SUCO: variants seen among roughly 807,000 people sequenced by gnomAD.
The protein encoded by SUCO is SUN domain-containing ossification factor.
SUCO carries 57 observed loss-of-function variants against 148.1 expected under a neutral mutation model. The ratio of observed to expected loss-of-function variants is 0.38; its 90% CI spans 0.31 to 0.48. SUCO has a LOEUF of 0.48. Among genes scored for constraint, SUCO ranks in the 20% least tolerant of loss-of-function variants. SUCO has a pLI of 0.96. For missense variants in SUCO, 1,331 were observed against 1,468.2 expected, an observed-to-expected ratio of 0.91 and a Z score of 1.53; for synonymous variants, 470 against 502.7, an observed-to-expected ratio of 0.93 and a Z score of 0.87.
chr1:172,533,954 T>C (rs1307418566), intron 1 of SUCO, among the ~76,000 whole-genome samples: 17 of 152,126 alleles, frequency 1.1e-4, no homozygotes, highest in Admixed American at 8.5e-4. Context: ...GTAAGAGTAA[T>C]GTATAAGCAG....
rs1028226550 is a variant in SUCO at position 172,585,747 on chromosome 1, G to A, written c.1568-111G>A. 1.0e-5 allele frequency: 7 copies of A among 685,496 alleles called. No homozygotes were observed. The East Asian group carries it at 1.6e-4, about 15-fold the overall frequency. 42.5% of individuals were successfully genotyped at this position (685,496 alleles called of 1,614,324 possible). ...ATTTTTTAAGAAAAAGTCTGCAGTA[G>A]CAAACCTATTTGGCTTTTTTCTTCT... On this transcript the variant is annotated intron_variant, in intron 16 of 23. Transcript: ENST00000263688.
Position 172,554,483 on chromosome 1 carries a change from T to TA in SUCO, c.288+1119dup, listed in dbSNP as rs1308859311. On this transcript the variant is annotated intron_variant, in intron 3 of 23. Transcript: ENST00000263688. Reference sequence around the variant, plus strand: ...ACACATTGGATTTTGAAGACTTAATTAAAAAATAGCATGTAGGCCGGGCAC... The same window carrying TA: ...ACACATTGGATTTTGAAGACTTAATTAAAAAAATAGCATGTAGGCCGGGCAC... Among the ~76,000 whole-genome samples, 5 of 152,240 alleles carry TA rather than the reference T, an allele frequency of 3.3e-5. No individual in the cohort carries two copies. The South Asian group carries it at 1.0e-3, about 32-fold the overall frequency.
At position 172,567,314 on chromosome 1, in the gene SUCO, C is replaced by T. The variant is rs112920955; in HGVS notation, c.733-1705C>T. 2.6e-3 allele frequency among the ~76,000 whole-genome samples: 395 copies of T among 152,116 alleles called. 1 individual carries two copies. The highest frequency in any genetic ancestry group is 9.0e-3 in the African/African-American group (375 of 41,468). On this transcript the variant is annotated intron_variant, in intron 6 of 23. Transcript: ENST00000263688. ...ACATCAAAACTTTGTTTTAGGAATA[C>T]AGAAATGATTCAATAATGGAATAAA... is the stretch of plus-strand genomic sequence containing the variant.
chr1:172,589,703 G>A lies in SUCO; in HGVS notation c.2602G>A (p.Glu868Lys), dbSNP rs765033341. The A allele has an allele frequency of 1.2e-6, 2 of 1,613,806 alleles. No individual in the cohort carries two copies. Among genetic ancestry groups the A allele is most frequent in the Non-Finnish European group, 1.7e-6 (2 of 1,179,796 alleles). ...DSSSLPEVKE[E>K]EQSPEDALLR... ...TTCTTCATTACCTGAAGTAAAAGAA[G>A]AAGAACAGTCTCCAGAAGATGCCCT... The change falls in exon 18 of 24, where the codon GAA becomes AAA. Residue 868 changes from glutamate to lysine, a missense_variant. Glu to Lys is a moderately conservative substitution (Grantham distance 56). Transcript: ENST00000263688.
chr1:172,557,489 G>C, intron 5 of SUCO, 72 bp downstream of exon 5: 2 of 1,576,722 alleles, frequency 1.3e-6, no homozygotes, highest in Non-Finnish European at 1.7e-6. Context: ...AATGGACTTT[G>C]GTGTATGTTA....
intron 15 of SUCO, among the ~76,000 whole-genome samples, chr1:172,583,673 C>T (rs192213136): frequency 3.3e-5 from 5 of 152,214 alleles, no homozygotes; most frequent in African/African-American, 9.6e-5. Flanking sequence ...GAGATTAAGA[C>T]AGAAATAATG....
intron 6 of SUCO, among the ~76,000 whole-genome samples, chr1:172,562,885 G>A (rs746422734): frequency 1.8e-4 from 27 of 152,086 alleles, no homozygotes; most frequent in Admixed American, 4.6e-4. Flanking sequence ...ATTGAATTGT[G>A]GGGGTGGAAT....
chr1:172,580,558 A>G (rs1655806669), intron 15 of SUCO, among the ~76,000 whole-genome samples: 1 of 152,152 alleles, frequency 6.6e-6, no homozygotes, highest in African/African-American at 2.4e-5. Context: ...TATATGTTAC[A>G]TAGTAGTCAT....
chr1:172,535,362 C>CA (rs1442525927), intron 1 of SUCO, among the ~76,000 whole-genome samples: 1 of 152,128 alleles, frequency 6.6e-6, no homozygotes, highest in Non-Finnish European at 1.5e-5. Flanking sequence ...TATTCTTTAG[C>CA]AAAACGATTA....
chr1:172,596,128 T>G (rs916151334), intron 19 of SUCO, among the ~76,000 whole-genome samples: 1 of 152,234 alleles, frequency 6.6e-6, no homozygotes, highest in African/African-American at 2.4e-5. Context: ...TTCAGCTCCA[T>G]CAGATCAATT....
chr1:172,557,188 A>G (rs1653813264), intron 4 of SUCO, 92 bp from the exon 5 acceptor site: 45 of 1,463,068 alleles, frequency 3.1e-5, no homozygotes, highest in Non-Finnish European at 4.0e-5. Flanking sequence ...TTTGGTTTAC[A>G]TTATGTTTTG....
intron 6 of SUCO, among the ~76,000 whole-genome samples, chr1:172,563,642 T>TA (rs1654340438): frequency 6.6e-6 from 1 of 152,216 alleles, no homozygotes; most frequent in South Asian, 2.1e-4. Flanking sequence ...AACTTATATT[T>TA]AAAACGGAAG....
At position 172,579,310 on chromosome 1, in the gene SUCO, A is replaced by T. The variant is rs1024291043; in HGVS notation, c.1498+43A>T. On this transcript the variant is annotated intron_variant, in intron 15 of 23. Transcript: ENST00000263688. Reference sequence around the variant, plus strand: ...TTTCTATTCATTCTACTACTTTTTCATTCTGACACACACAGACATTTTGTC... The same window carrying T: ...TTTCTATTCATTCTACTACTTTTTCTTTCTGACACACACAGACATTTTGTC... The T allele has an allele frequency of 2.5e-6, 3 of 1,210,418 alleles. No individual in the cohort carries two copies. In the African/African-American group the frequency reaches 4.5e-5, roughly 18 times the overall value. 75.0% of individuals were successfully genotyped at this position (1,210,418 alleles called of 1,614,324 possible). A position where few individuals can be genotyped will look rare whatever the true frequency, so the allele number is the denominator to read the frequency against.
chr1:172,549,965 T>G (rs1653166104), intron 1 of SUCO, among the ~76,000 whole-genome samples: 1 of 151,638 alleles, frequency 6.6e-6, no homozygotes, highest in Non-Finnish European at 1.5e-5. Flanking sequence ...ATCCCCAAAG[T>G]CTGTCTTTTA....
At chr1:172,556,171 G>GT in intron 4 of SUCO, 148 bp downstream of exon 4, 1 of 603,094 alleles carries the variant, frequency 1.7e-6, no homozygotes, top group Non-Finnish European at 2.9e-6. Flanking sequence ...TTTTGTGTGC[G>GT]TATGTGTGCA....
intron 4 of SUCO, chr1:172,556,508 T>C: frequency 1.6e-6 from 1 of 626,912 alleles, no homozygotes; most frequent in South Asian, 7.1e-5. Flanking sequence ...GTACTTCTCC[T>C]AGCTTCTTCC....
chr1:172,533,044 T>A, upstream of SUCO: 1 of 1,431,696 alleles, frequency 7.0e-7, no homozygotes, highest in Non-Finnish European at 9.1e-7. Context: ...CTCAGCGGTG[T>A]GTGAGGTGTC....
intron 13 of SUCO, 130 bp downstream of exon 13, chr1:172,577,949 CTTTCT>C: frequency 1.5e-6 from 1 of 649,012 alleles, no homozygotes; most frequent in Non-Finnish European, 2.5e-6. Context: ...ACTGTGAAAC[CTTTCT>C]TTTGAATGCA....
At chr1:172,550,569 A>G (rs1653217306) in intron 1 of SUCO, among the ~76,000 whole-genome samples, 1 of 151,928 alleles carries the variant, frequency 6.6e-6, no homozygotes, top group African/African-American at 2.4e-5. Flanking sequence ...ACTACAGATA[A>G]TTTTACTGTC....
Sources: gnomAD v4.1 joint callset for allele counts (sites outside exome capture counted in the v4.1 genomes callset) on GRCh38, gnomAD v4.1.1 for gene constraint, MANE v1.5 for transcripts, NCBI Gene and HGNC (gene_info 2026-07-23, HGNC 2026-07-21) for gene names.